UNC93A: variants seen among roughly 807,000 people sequenced by gnomAD.
UNC93A encodes unc-93 homolog A, also known as N-acetylglucosamine transporter UNC93A.
UNC93A carries 43 observed loss-of-function variants against 47.5 expected under a neutral mutation model. The ratio of observed to expected loss-of-function variants is 0.91; its 90% CI spans 0.71 to 1.17. The LOEUF (loss-of-function observed/expected upper bound fraction) is 1.17, where lower values mean the gene tolerates loss of function less well. Ranked by LOEUF, UNC93A falls within the 50% of genes most tolerant of loss-of-function variation. UNC93A has a pLI of 0.00. For missense variants in UNC93A, 605 were observed against 577.6 expected, an observed-to-expected ratio of 1.05 and a Z score of -0.49; for synonymous variants, 280 against 258.0, an observed-to-expected ratio of 1.09 and a Z score of -0.82.
upstream of UNC93A, among the ~76,000 whole-genome samples, chr6:167,286,498 C>T (rs1464882494): frequency 1.3e-5 from 2 of 152,230 alleles, no homozygotes; most frequent in Non-Finnish European, 1.5e-5. Context: ...AGCGAAGGGA[C>T]TGCAAATAGG....
chr6:167,285,977 TATAC>T lies in UNC93A; in HGVS notation c.-51-5460_-51-5457del, dbSNP rs1181712950. Among the ~76,000 whole-genome samples the T allele has an allele frequency of 1.8e-3, 269 of 147,042 alleles. 1 individual carries two copies. Among genetic ancestry groups the T allele is most frequent in the African/African-American group, 6.5e-3 (261 of 40,380 alleles). On this transcript the variant is annotated intron_variant, in intron 1 of 3. Transcript: ENST00000503433. ...CTCTCTCTCTATATATATATATATATATACACACACACACACAATGAGCCTATAA... is the reference window on the plus strand; with the variant it reads ...CTCTCTCTCTATATATATATATATATACACACACACACAATGAGCCTATAA...
chr6:167,314,068 G>A (rs766008043), intron 7 of UNC93A, among the ~76,000 whole-genome samples: 14 of 152,146 alleles, frequency 9.2e-5, no homozygotes, highest in Admixed American at 2.6e-4. Context: ...GCGCATCTGC[G>A]TTGGTCTTCA....
intron 4 of UNC93A, among the ~76,000 whole-genome samples, chr6:167,302,140 G>A (rs1052047784): frequency 6.6e-6 from 1 of 152,172 alleles, no homozygotes; most frequent in Non-Finnish European, 1.5e-5. Flanking sequence ...TACCAATGGT[G>A]CTTTCTGAGA....
Position 167,283,494 on chromosome 6 carries a change from G to A in UNC93A, c.-51-7945G>A, listed in dbSNP as rs537115677. ...AAGAGGGGTCCATTCAGTCCGTTGCGGGTCTTACAATTTCATTTTGGTCTA... is the reference window on the plus strand; with the variant it reads ...AAGAGGGGTCCATTCAGTCCGTTGCAGGTCTTACAATTTCATTTTGGTCTA... On this transcript the variant is annotated intron_variant, in intron 1 of 3. Transcript: ENST00000503433. Among the ~76,000 whole-genome samples, 135 of 152,214 alleles carry A rather than the reference G, an allele frequency of 8.9e-4. 1 individual carries two copies. Among genetic ancestry groups the A allele is most frequent in the Middle Eastern group, 3.4e-3 (1 of 292 alleles).
At chr6:167,280,620 C>T (rs939118403) in intron 1 of UNC93A, among the ~76,000 whole-genome samples, 1 of 152,188 alleles carries the variant, frequency 6.6e-6, no homozygotes, top group Admixed American at 6.5e-5. Flanking sequence ...CAGTCTAGGT[C>T]AGCTGGAGTG....
chr6:167,305,647 A>G (rs1435425000), intron 5 of UNC93A, among the ~76,000 whole-genome samples: 1 of 152,160 alleles, frequency 6.6e-6, no homozygotes, highest in African/African-American at 2.4e-5. Context: ...AATAGTGCCC[A>G]TTTCACAGCA....
chr6:167,269,565 T>C (rs146652476), upstream of UNC93A, among the ~76,000 whole-genome samples: 20 of 152,186 alleles, frequency 1.3e-4, no homozygotes, highest in African/African-American at 4.8e-4. Flanking sequence ...AGGAAAAAGC[T>C]TTATATTTTA....
In UNC93A at chr6:167,284,165, A is replaced by C. The variant is rs56663396; in HGVS notation, c.-51-7274A>C. On this transcript the variant is annotated intron_variant, in intron 1 of 3. Transcript: ENST00000503433. ...GAACAAGCCTTGTTCCATCTTCAAA[A>C]CACTAGGGATGGGGCAGATTTTACC... is the stretch of plus-strand genomic sequence containing the variant. Among the ~76,000 whole-genome samples, 1,001 of 152,004 alleles carry C rather than the reference A, an allele frequency of 6.6e-3. 6 individuals are homozygous for C. Among genetic ancestry groups the C allele is most frequent in the African/African-American group, 0.023 (962 of 41,238 alleles).
chr6:167,291,525 C>A lies in UNC93A; in HGVS notation c.36C>A (p.Ser12=). 6.2e-7 allele frequency: 1 copy of A among 1,613,834 alleles called. No homozygotes were observed. The stretch of plus-strand genomic sequence containing the variant: ...GTCTAAGGAACGTCCTTGTGGTTTC[C>A]TTTGGGTTCCTGCTTCTCTTTACAG... ...DRSLRNVLVV[S]FGFLLLFTAY... The change falls in exon 1 of 8, where the codon TCC becomes TCA. Residue 12 remains serine, a synonymous_variant. Transcript: ENST00000230256.
Position 167,298,416 on chromosome 6 carries a change from G to A in UNC93A, c.625+346G>A, listed in dbSNP as rs192846300. The A allele has an allele frequency of 6.2e-3, 1,040 of 166,652 alleles. 12 individuals carry two copies. The highest frequency in any genetic ancestry group is 0.025 in the South Asian group (137 of 5,464). The allele number at this position is 166,652 out of a possible 1,614,324, so 10.3% of individuals were successfully genotyped here. A position where few individuals can be genotyped will look rare whatever the true frequency, so the allele number is the denominator to read the frequency against. ...GCAAGTGCTCAGCAGTACGGGGGCT[G>A]GCGGCTACCATTACAGACAGCTTGG... On this transcript the variant is annotated intron_variant, in intron 4 of 7. Coordinates refer to ENST00000230256, the MANE Select transcript of UNC93A (RefSeq NM_018974.4).
At chr6:167,294,736 C>A in intron 2 of UNC93A, 38 bp downstream of exon 2, 1 of 1,554,996 alleles carries the variant, frequency 6.4e-7, no homozygotes, top group South Asian at 1.2e-5. Context: ...CCACCCCGGC[C>A]GTTCCCCACG....
chr6:167,272,162 G>A (rs1462331414), intron 1 of UNC93A, among the ~76,000 whole-genome samples: 1 of 152,196 alleles, frequency 6.6e-6, no homozygotes, highest in African/African-American at 2.4e-5. Flanking sequence ...TGCCAAAGTG[G>A]TGTCTTTGGG....
In UNC93A at chr6:167,315,167, C is replaced by T. The variant is rs571871010; in HGVS notation, c.1109-20C>T. The T allele has an allele frequency of 6.8e-6, 11 of 1,612,682 alleles. No homozygotes were observed. In the South Asian group the frequency reaches 7.7e-5, roughly 11 times the overall value. Reference sequence around the variant, plus strand: ...TGTGGGGCCCATGGCAGAGCTCTCACTCCGCTCTCTCCTCTGCAGCTCTCT... The same window carrying T: ...TGTGGGGCCCATGGCAGAGCTCTCATTCCGCTCTCTCCTCTGCAGCTCTCT... On this transcript the variant is annotated intron_variant, in intron 7 of 7. Transcript: ENST00000230256.
At chr6:167,286,517 C>T (rs149046236), upstream of UNC93A, among the ~76,000 whole-genome samples, 1 of 152,204 alleles carries the variant, frequency 6.6e-6, no homozygotes, top group South Asian at 2.1e-4. Context: ...GGTCACGTCA[C>T]CCAGGATGGC....
Position 167,302,902 on chromosome 6 carries a change from G to A in UNC93A, c.626-1017G>A, listed in dbSNP as rs150349106. 8.7e-3 allele frequency among the ~76,000 whole-genome samples: 1,326 copies of A among 152,276 alleles called. 32 individuals are homozygous for A. The highest frequency in any genetic ancestry group is 0.03 in the African/African-American group (1,255 of 41,540). On this transcript the variant is annotated intron_variant, in intron 4 of 7. Transcript: ENST00000230256. ...AAGGTTTAAGTTGCGCTTGTTCTGA[G>A]TAGTGTGATGGAATCTCTTGCCGTC...
At chr6:167,291,232 A>C (rs113999855), upstream of UNC93A, 110 of 357,340 alleles carry the variant, frequency 3.1e-4, no homozygotes, top group African/African-American at 2.2e-3. Flanking sequence ...TGCCCCATAC[A>C]AAGTGGACAT....
rs1182907129 is a variant in UNC93A, at chr6:167,294,465, C to T, written c.88-52C>T. The T allele has an allele frequency of 2.3e-5, 37 of 1,597,312 alleles. No individual in the cohort carries two copies. The South Asian group carries it at 3.9e-4, about 17-fold the overall frequency. ...GGACACTGAGGACCTGCTGGTGCCT[C>T]ATCCCGCTGTGTCCATCCTGTGCTC... On this transcript the variant is annotated intron_variant, in intron 1 of 7. Transcript: ENST00000230256.
rs780248835 is a variant in UNC93A, at chr6:167,296,213, T to C, written c.451T>C (p.Trp151Arg). 3.8e-5 allele frequency: 61 copies of C among 1,614,204 alleles called. No homozygotes were observed. Among genetic ancestry groups the C allele is most frequent in the Non-Finnish European group, 5.0e-5 (59 of 1,180,050 alleles). ...FFLIFQSSGV[W>R]GNLISSLVFG... ...CCTCATATTCCAGTCATCCGGTGTG[T>C]GGGGCAACTTGATCTCATCGCTGGT... The change falls in exon 3 of 8, where the codon TGG becomes CGG. Residue 151 changes from tryptophan to arginine, a missense_variant. Transcript: ENST00000230256.
intron 7 of UNC93A, among the ~76,000 whole-genome samples, chr6:167,308,657 GA>G (rs990537731): frequency 1.4e-4 from 21 of 151,990 alleles, no homozygotes; most frequent in African/African-American, 4.8e-4. Context: ...GAGTGCAGAG[GA>G]GTGGGGTGGA....
Sources: gnomAD v4.1 joint callset for allele counts (sites outside exome capture counted in the v4.1 genomes callset) on GRCh38, gnomAD v4.1.1 for gene constraint, MANE v1.5 for transcripts, NCBI Gene and HGNC (gene_info 2026-07-23, HGNC 2026-07-21) for gene names.